The following DNAAF4 variants were observed in gnomAD, a reference collection of about 807,000 sequenced individuals.
The protein encoded by DNAAF4 is dynein assembly factor 4, axonemal.
A neutral mutation model predicts 51.8 loss-of-function variants in DNAAF4; 43 were observed. That is an observed-to-expected ratio of 0.83 (90% CI 0.65 to 1.07). The LOEUF (loss-of-function observed/expected upper bound fraction) is 1.07. Ranked by LOEUF, DNAAF4 falls within the 50% of genes least tolerant of loss-of-function variation. DNAAF4 has a pLI of 0.00. For missense variants in DNAAF4, 581 were observed against 493.0 expected (o/e 1.18, Z -1.69); for synonymous variants, 194 against 165.6 (o/e 1.17, Z -1.32).
chr15:55,489,175 C>A (rs1189989953), intron 4 of DNAAF4, among the ~76,000 whole-genome samples: 1 of 151,894 alleles, frequency 6.6e-6, no homozygotes, highest in South Asian at 2.1e-4. Flanking sequence ...CATACCAATA[C>A]AGCAGTAAGT....
rs778284230 is a variant in DNAAF4, at chr15:55,498,354, C to T, written c.-25G>A. 5 of 1,591,104 alleles carry T rather than the reference C, an allele frequency of 3.1e-6. No individual in the cohort carries two copies. The Admixed American group carries it at 6.9e-5, about 22-fold the overall frequency. On this transcript the variant is annotated 5_prime_UTR_variant, in exon 2 of 10. Transcript: ENST00000321149. Reference sequence around the variant, plus strand: ...TTCCGGTAGCAACGGGAGCGGATAGCGCGGCTGGTTGCTTCTTGCGCCTGC... The same window carrying T: ...TTCCGGTAGCAACGGGAGCGGATAGTGCGGCTGGTTGCTTCTTGCGCCTGC...
At chr15:55,473,221 A>G (rs189781206) in intron 4 of DNAAF4, among the ~76,000 whole-genome samples, 5,222 of 97,130 alleles carry the variant, frequency 0.054, 420 homozygotes, top group Non-Finnish European at 0.076. Flanking sequence ...ATATATATAT[A>G]TGTGTGTGTG....
chr15:55,463,172 TCACACACACACACACACACACA>T (rs3221985), intron 5 of DNAAF4, among the ~76,000 whole-genome samples: 2 of 140,288 alleles, frequency 1.4e-5, no homozygotes, highest in African/African-American at 5.5e-5. Flanking sequence ...AGACTCTGTC[TCACACACACACACACACACACA>T]CACACACACA....
intron 7 of DNAAF4, among the ~76,000 whole-genome samples, chr15:55,437,245 T>C (rs2057628121): frequency 6.6e-6 from 1 of 152,200 alleles, no homozygotes; most frequent in African/African-American, 2.4e-5. Context: ...CAATCAATAA[T>C]TGCTTATTTA....
downstream of DNAAF4, among the ~76,000 whole-genome samples, chr15:55,428,627 T>C (rs2057455833): frequency 6.7e-6 from 1 of 149,782 alleles, no homozygotes. Context: ...CCCGAGTAGG[T>C]GGGACTACAG....
chr15:55,440,286 C>T (rs779852012), intron 6 of DNAAF4, among the ~76,000 whole-genome samples: 2 of 151,964 alleles, frequency 1.3e-5, no homozygotes, highest in African/African-American at 4.8e-5. Context: ...CACATGACCT[C>T]GTGATCCACC....
At chr15:55,477,965 C>T (rs1240456266) in intron 4 of DNAAF4, among the ~76,000 whole-genome samples, 3 of 151,916 alleles carry the variant, frequency 2.0e-5, no homozygotes, top group East Asian at 1.9e-4. Flanking sequence ...AACCCCAGCA[C>T]TGGAGGACTG....
At chr15:55,433,408 C>T (rs1485521333) in intron 8 of DNAAF4, among the ~76,000 whole-genome samples, 4 of 152,122 alleles carry the variant, frequency 2.6e-5, no homozygotes, top group Middle Eastern at 3.4e-3. Flanking sequence ...GGGCGGATTA[C>T]GAAGTCAGGA....
intron 5 of DNAAF4, among the ~76,000 whole-genome samples, chr15:55,464,272 T>C (rs1567018908): frequency 6.6e-6 from 1 of 152,228 alleles, no homozygotes; most frequent in East Asian, 1.9e-4. Context: ...TGAAACTGGA[T>C]CCTCATCTCT....
chr15:55,455,387 AATATATATATAT>A (rs10688653), intron 5 of DNAAF4, among the ~76,000 whole-genome samples: 4 of 127,376 alleles, frequency 3.1e-5, no homozygotes, highest in African/African-American at 1.2e-4. Context: ...TAGCAAATTG[AATATATATATAT>A]ATATATATAT....
chr15:55,420,224 C>A lies in DNAAF4; in HGVS notation c.1048-2091G>T, dbSNP rs1451906356. On this transcript the variant is annotated intron_variant, in intron 7 of 7. Coordinates refer to the DNAAF4 transcript ENST00000448430. ...AGAGGAAACTATATGGATAAAAGTA[C>A]AAAGATGTGAGACAATGTGGTATAT... Among the ~76,000 whole-genome samples, 4 of 152,094 alleles carry A rather than the reference C, an allele frequency of 2.6e-5. No homozygotes were observed. The East Asian group carries it at 5.8e-4, about 22-fold the overall frequency.
At chr15:55,498,801 A>G (rs2058674557) in intron 1 of DNAAF4, among the ~76,000 whole-genome samples, 1 of 151,126 alleles carries the variant, frequency 6.6e-6, no homozygotes, top group African/African-American at 2.4e-5. Context: ...GCTACTCTGG[A>G]GGCTGAGGCT....
intron 6 of DNAAF4, chr15:55,442,906 A>T: frequency 6.2e-7 from 1 of 1,612,218 alleles, no homozygotes; most frequent in Non-Finnish European, 8.5e-7. Context: ...TCCATGAATC[A>T]ATCCAGGTGG....
At chr15:55,493,653 G>GA (rs201667777) in intron 3 of DNAAF4, among the ~76,000 whole-genome samples, 71 of 150,236 alleles carry the variant, frequency 4.7e-4, no homozygotes, top group African/African-American at 1.5e-3. Context: ...TATTTTATGT[G>GA]AAAAAAAAAT....
At chr15:55,454,823 A>G (rs988972686) in intron 5 of DNAAF4, among the ~76,000 whole-genome samples, 12 of 152,154 alleles carry the variant, frequency 7.9e-5, no homozygotes, top group African/African-American at 2.9e-4. Context: ...TAATGAACCC[A>G]TAATATACCA....
chr15:55,455,387 A>AATATATATATATATATATATAT (rs10688653), intron 5 of DNAAF4, among the ~76,000 whole-genome samples: 64 of 127,352 alleles, frequency 5.0e-4, no homozygotes, highest in African/African-American at 1.2e-3. Context: ...TAGCAAATTG[A>AATATATATATATATATATATAT]ATATATATAT....
intron 6 of DNAAF4, among the ~76,000 whole-genome samples, chr15:55,444,102 A>T (rs1315886020): frequency 6.6e-6 from 1 of 152,092 alleles, no homozygotes; most frequent in Non-Finnish European, 1.5e-5. Context: ...GGTGTTTTAG[A>T]CATGAAGTCC....
At chr15:55,492,780 C>T (rs1036619737) in intron 3 of DNAAF4, among the ~76,000 whole-genome samples, 4 of 152,052 alleles carry the variant, frequency 2.6e-5, no homozygotes, top group Non-Finnish European at 4.4e-5. Flanking sequence ...CCTTGTGATC[C>T]GCCTGCCTTG....
At chr15:55,477,237 A>G (rs1302802665) in intron 4 of DNAAF4, among the ~76,000 whole-genome samples, 1 of 152,148 alleles carries the variant, frequency 6.6e-6, no homozygotes, top group Non-Finnish European at 1.5e-5. Context: ...CAATATACTT[A>G]ATGCCATGGA....
Sources: allele counts gnomAD v4.1 joint callset (sites outside exome capture counted in the v4.1 genomes callset), GRCh38; gene constraint gnomAD v4.1.1; transcripts MANE v1.5; gene names NCBI Gene and HGNC (gene_info 2026-07-23, HGNC 2026-07-21).